Variants in LMAN2L observed in about 807,000 individuals in gnomAD.
LMAN2L encodes the protein VIP36-like protein.
Under a neutral mutation model 44.3 loss-of-function variants are expected in LMAN2L, and 30 were observed. The observed-to-expected ratio is 0.68, with a 90% CI of 0.51 to 0.92. The LOEUF is 0.92. Ranked by LOEUF, LMAN2L falls within the 40% of genes least tolerant of loss-of-function variation. LMAN2L has a pLI of 0.00. For missense variants in LMAN2L, 429 were observed against 446.1 expected, an observed-to-expected ratio of 0.96 and a Z score of 0.35; for synonymous variants, 183 against 171.1, an observed-to-expected ratio of 1.07 and a Z score of -0.54.
chr2:96,711,565 C>T (rs2077916461), intron 6 of LMAN2L, 91 bp downstream of exon 6: 1 of 836,914 alleles, frequency 1.2e-6, no homozygotes. Flanking sequence ...AGCACCGCTC[C>T]TCTGGCTCTC....
At chr2:96,707,956 T>G in intron 6 of LMAN2L, 123 bp from the exon 7 acceptor site, 1 of 935,398 alleles carries the variant, frequency 1.1e-6, no homozygotes, top group Non-Finnish European at 1.6e-6. Flanking sequence ...AAAAAATAAT[T>G]GAAACCTCTC....
At chr2:96,727,592 T>G (rs1331554176) in intron 4 of LMAN2L, among the ~76,000 whole-genome samples, 1 of 152,228 alleles carries the variant, frequency 6.6e-6, no homozygotes, top group Non-Finnish European at 1.5e-5. Context: ...TCAGATGCAT[T>G]ACTGGTTGCT....
chr2:96,733,554 C>A lies in LMAN2L; in HGVS notation c.472G>T (p.Val158Leu). ...MDKFVGLGVF[V>L]DTYPNEEKQQ... ...TTCTCCTCATTGGGGTAGGTGTCTA[C>A]AAATACTCCCAGCCCCACAAATTTG... Residue 158 changes from valine (V) to leucine (L), a missense_variant, in exon 4 of 8, where the codon GTA (valine) becomes TTA (leucine). By Grantham distance (32) the Val-to-Leu change is conservative. Transcript: ENST00000264963. 6.2e-7 allele frequency: 1 copy of A among 1,614,026 alleles called. No homozygotes were observed. Among genetic ancestry groups the A allele is most frequent in the Non-Finnish European group, 8.5e-7 (1 of 1,179,956 alleles).
At chr2:96,737,638 T>C (rs1401902552) in intron 2 of LMAN2L, among the ~76,000 whole-genome samples, 1 of 152,152 alleles carries the variant, frequency 6.6e-6, no homozygotes, top group Non-Finnish European at 1.5e-5. Flanking sequence ...TCTTATAATC[T>C]TCTTACAAAG....
chr2:96,718,897 C>T (rs1558952796), intron 4 of LMAN2L, among the ~76,000 whole-genome samples: 1 of 152,106 alleles, frequency 6.6e-6, no homozygotes, highest in African/African-American at 2.4e-5. Flanking sequence ...GGTCTGGAAA[C>T]CTTCATATAA....
chr2:96,728,734 T>C (rs182316385), intron 4 of LMAN2L, among the ~76,000 whole-genome samples: 1 of 150,426 alleles, frequency 6.6e-6, no homozygotes, highest in Admixed American at 6.7e-5. Context: ...TCAGCCAGAC[T>C]GGGTGGAGTG....
intron 4 of LMAN2L, among the ~76,000 whole-genome samples, chr2:96,727,902 G>A (rs1360511780): frequency 1.3e-5 from 2 of 152,176 alleles, no homozygotes; most frequent in South Asian, 4.1e-4. Context: ...TCTGGAGTCA[G>A]ACCCACTACG....
rs201857731 is a variant in LMAN2L, at chr2:96,711,920, G to A, written c.613C>T (p.Arg205Cys). The change falls in exon 5 of 8, where the codon CGC (arginine) becomes TGC (cysteine). Residue 205 changes from arginine (R) to cysteine (C), a missense_variant. By Grantham distance (180) the Arg-to-Cys change is radical. Transcript: ENST00000264963. Reference sequence around the variant, plus strand: ...AGGAAGGTGTCGTAATGAAGATTGCGGACAATGGCTGTGCAGCCTCCCAGC... The same window carrying A: ...AGGAAGGTGTCGTAATGAAGATTGCAGACAATGGCTGTGCAGCCTCCCAGC... ...TELGGCTAIV[R>C]NLHYDTFLVI... is the part of the protein sequence containing the mutation. 6 of 1,614,178 alleles carry A rather than the reference G, an allele frequency of 3.7e-6. No individual in the cohort carries two copies. The highest frequency in any genetic ancestry group is 2.2e-5 in the South Asian group (2 of 91,080).
chr2:96,712,932 C>T (rs2077959335), intron 4 of LMAN2L, among the ~76,000 whole-genome samples: 1 of 152,214 alleles, frequency 6.6e-6, no homozygotes, highest in African/African-American at 2.4e-5. Context: ...AGGCATGCCA[C>T]TCCTTTGGGG....
At chr2:96,734,847 G>A (rs2078481139) in intron 2 of LMAN2L, among the ~76,000 whole-genome samples, 1 of 152,164 alleles carries the variant, frequency 6.6e-6, no homozygotes. Context: ...CACCCACCCA[G>A]CAAAGTAGCT....
Position 96,711,777 on chromosome 2 carries a change from T to C in LMAN2L, c.670-7A>G, listed in dbSNP as rs779755660. ...CATCAATATCCATCATTATCTAGAA[T>C]AAAAAGAGAGATAAATCAGGGTCAG... On this transcript the variant is annotated splice_region_variant and splice_polypyrimidine_tract_variant and intron_variant, in intron 5 of 7. Coordinates refer to ENST00000264963, the MANE Select transcript of LMAN2L (RefSeq NM_030805.4). The C allele has an allele frequency of 2.5e-6, 4 of 1,613,370 alleles. No individual in the cohort carries two copies. The East Asian group carries it at 6.7e-5, about 27-fold the overall frequency.
chr2:96,722,053 C>T (rs944485836), intron 4 of LMAN2L, among the ~76,000 whole-genome samples: 8 of 151,934 alleles, frequency 5.3e-5, no homozygotes, highest in African/African-American at 1.2e-4. Context: ...CTGCAAGCTC[C>T]GCCTGCCAGG....
chr2:96,720,005 C>T (rs1263128214), intron 4 of LMAN2L, among the ~76,000 whole-genome samples: 3 of 150,324 alleles, frequency 2.0e-5, no homozygotes, highest in Non-Finnish European at 2.9e-5. Flanking sequence ...CCATCCTGGG[C>T]GATAGAATGC....
intron 2 of LMAN2L, among the ~76,000 whole-genome samples, chr2:96,735,872 G>A (rs1332673205): frequency 6.6e-6 from 1 of 150,998 alleles, no homozygotes; most frequent in Admixed American, 6.6e-5. Context: ...GAAAGGCCAG[G>A]CACAGTAGTT....
intron 4 of LMAN2L, among the ~76,000 whole-genome samples, chr2:96,719,877 A>G (rs186943713): frequency 1.3e-5 from 2 of 152,274 alleles, no homozygotes; most frequent in East Asian, 3.9e-4. Context: ...AAAAAAAGTA[A>G]AAATTAACCT....
At position 96,739,969 on chromosome 2, in the gene LMAN2L, G is replaced by A. The variant is rs2078601141; in HGVS notation, c.72C>T (p.Ser24=). ...ACAAAAGAAGAAGGAGTAACATCCT[G>A]GACCCATCCCGAGCCGACAAACATC... ...WRRCLSARDG[S]RMLLLLLLLG... is the part of the protein sequence containing the mutation. Residue 24 remains serine (S), a synonymous_variant, in exon 1 of 8, where the codon TCC becomes TCT. Transcript: ENST00000264963. 6.2e-7 allele frequency: 1 copy of A among 1,613,726 alleles called. No homozygotes were observed. Among genetic ancestry groups the A allele is most frequent in the Non-Finnish European group, 8.5e-7 (1 of 1,180,006 alleles).
At chr2:96,713,498 C>T (rs540318353) in intron 4 of LMAN2L, among the ~76,000 whole-genome samples, 72 of 152,256 alleles carry the variant, frequency 4.7e-4, no homozygotes, top group African/African-American at 1.6e-3. Context: ...CCAGGCACGC[C>T]GCACTTATGT....
At chr2:96,734,105 A>C (rs1385381348) in intron 3 of LMAN2L, among the ~76,000 whole-genome samples, 1 of 152,206 alleles carries the variant, frequency 6.6e-6, no homozygotes, top group African/African-American at 2.4e-5. Flanking sequence ...GTTCAGAAGA[A>C]ATCAGCTCAC....
intron 7 of LMAN2L, 25 bp from the exon 8 acceptor site, chr2:96,707,423 T>C (rs373435448): frequency 1.1e-5 from 17 of 1,598,252 alleles, no homozygotes; most frequent in Non-Finnish European, 4.3e-6. Context: ...GAGAAGCAAG[T>C]CAGAAAACAG....
Sources: allele counts gnomAD v4.1 joint callset (sites outside exome capture counted in the v4.1 genomes callset), GRCh38; gene constraint gnomAD v4.1.1; transcripts MANE v1.5; gene names NCBI Gene and HGNC (gene_info 2026-07-23, HGNC 2026-07-21).